The following TMED3 variants were observed in gnomAD, a reference collection of about 807,000 sequenced individuals.
TMED3 encodes transmembrane p24 trafficking protein 3, also known as transmembrane emp24 domain-containing protein 3.
A neutral mutation model predicts 15.0 loss-of-function variants in TMED3; 9 were observed. That is an observed-to-expected ratio of 0.60 (90% CI 0.36 to 1.04). TMED3 has a LOEUF of 1.04. Ranked by LOEUF, TMED3 falls within the 50% of genes least tolerant of loss-of-function variation. The probability of loss-of-function intolerance (pLI) is 0.01; values close to 1 mark genes in which losing one functional copy is unlikely to be tolerated. For missense variants in TMED3, 267 were observed against 278.9 expected, an observed-to-expected ratio of 0.96 and a Z score of 0.30; for synonymous variants, 117 against 121.4, an observed-to-expected ratio of 0.96 and a Z score of 0.24.
chr15:79,324,592 A>C (rs1204897866), downstream of TMED3, among the ~76,000 whole-genome samples: 1 of 152,252 alleles, frequency 6.6e-6, no homozygotes, highest in Non-Finnish European at 1.5e-5. Context: ...TATTTAATAT[A>C]TGGTAGAAAT....
At chr15:79,347,499 C>G (rs2141231912) in intron 2 of TMED3, among the ~76,000 whole-genome samples, 1 of 152,278 alleles carries the variant, frequency 6.6e-6, no homozygotes, top group African/African-American at 2.4e-5. Context: ...TGTCACCACT[C>G]CTATTCAACA....
At chr15:79,351,636 C>A (rs757094816) in intron 2 of TMED3, among the ~76,000 whole-genome samples, 1 of 152,120 alleles carries the variant, frequency 6.6e-6, no homozygotes, top group Non-Finnish European at 1.5e-5. Context: ...GAAACGTAAA[C>A]TAGTGCAACC....
chr15:79,367,203 A>G (rs1256031041), intron 2 of TMED3, among the ~76,000 whole-genome samples: 1 of 152,214 alleles, frequency 6.6e-6, no homozygotes. Flanking sequence ...AATATGATGC[A>G]GAACTAAAAC....
rs528246765 is a variant in TMED3 at position 79,370,949 on chromosome 15, G to A, written c.418-40451G>A. Among the ~76,000 whole-genome samples, 162 of 152,340 alleles carry A rather than the reference G, an allele frequency of 1.1e-3. 1 individual carries two copies. The highest frequency in any genetic ancestry group is 1.7e-3 in the Admixed American group (26 of 15,302). ...CTGCACTGAGCTTATCTCAGTCACA[G>A]TTTGTGTGAAAGGCATCTGTAAAGT... On this transcript the variant is annotated intron_variant, in intron 2 of 2. Coordinates refer to the TMED3 transcript ENST00000424155.
At chr15:79,411,272 G>A (rs891532476) in intron 2 of TMED3, 1 of 576,468 alleles carries the variant, frequency 1.7e-6, no homozygotes, top group African/African-American at 1.9e-5. Flanking sequence ...AGCAATAAAG[G>A]TAAATTCTTC....
At chr15:79,346,862 T>C (rs1471459515) in intron 2 of TMED3, among the ~76,000 whole-genome samples, 2 of 152,076 alleles carry the variant, frequency 1.3e-5, no homozygotes, top group African/African-American at 4.8e-5. Flanking sequence ...TCATCAATAA[T>C]GAGCTCTGAA....
chr15:79,314,939 A>G (rs1045848999), intron 2 of TMED3, among the ~76,000 whole-genome samples: 5 of 152,192 alleles, frequency 3.3e-5, no homozygotes, highest in Non-Finnish European at 2.9e-5. Flanking sequence ...TTCAGTGCAT[A>G]AGGTAGGGCA....
intron 2 of TMED3, among the ~76,000 whole-genome samples, chr15:79,343,722 G>C (rs964646025): frequency 6.6e-6 from 1 of 152,160 alleles, no homozygotes; most frequent in Non-Finnish European, 1.5e-5. Flanking sequence ...GGTGAAGGAT[G>C]TGGGACAGGC....
At chr15:79,311,456 A>G (rs1262093531) in intron 1 of TMED3, 39 bp downstream of exon 1, 1 of 1,575,516 alleles carries the variant, frequency 6.3e-7, no homozygotes, top group Admixed American at 1.7e-5. Flanking sequence ...TTCTCCCTCC[A>G]CTCCCAGGTC....
chr15:79,335,413 A>G (rs1276617391), intron 2 of TMED3, among the ~76,000 whole-genome samples: 3 of 152,216 alleles, frequency 2.0e-5, no homozygotes, highest in African/African-American at 7.2e-5. Context: ...ATTTACTGGG[A>G]TAAGACCCTG....
At chr15:79,321,111 A>G (rs181321280) in intron 2 of TMED3, among the ~76,000 whole-genome samples, 3 of 152,340 alleles carry the variant, frequency 2.0e-5, no homozygotes, top group Admixed American at 2.0e-4. Flanking sequence ...TTCTTCTGCA[A>G]CTAGCTGGAG....
chr15:79,401,950 G>A (rs1311795698), intron 2 of TMED3, among the ~76,000 whole-genome samples: 1 of 152,128 alleles, frequency 6.6e-6, no homozygotes. Context: ...GCCTCTCTTG[G>A]TTGGCAAAGG....
Position 79,344,832 on chromosome 15 carries a change from C to G in TMED3, c.417+30827C>G, listed in dbSNP as rs563031084. On this transcript the variant is annotated intron_variant, in intron 2 of 2. Transcript: ENST00000424155. ...AGGCAAAGACTTCACTGTAGTGAGC[C>G]CAGTGAGATGAGGCAGTGTGAAAGG... Among the ~76,000 whole-genome samples the G allele has an allele frequency of 3.3e-5, 5 of 152,174 alleles. No individual in the cohort carries two copies. The East Asian group carries it at 9.7e-4, about 29-fold the overall frequency.
chr15:79,392,923 C>G (rs937703804), intron 2 of TMED3, among the ~76,000 whole-genome samples: 1 of 152,284 alleles, frequency 6.6e-6, no homozygotes, highest in Admixed American at 6.5e-5. Flanking sequence ...GGTTGCAGAC[C>G]TTTGGCATCC....
intron 2 of TMED3, among the ~76,000 whole-genome samples, chr15:79,315,488 G>C (rs2058736744): frequency 6.6e-6 from 1 of 152,190 alleles, no homozygotes; most frequent in African/African-American, 2.4e-5. Context: ...CCACTGTTGA[G>C]ACAGCCTCTA....
In TMED3 at chr15:79,379,585, G is replaced by A. The variant is rs1039270250; in HGVS notation, c.418-31815G>A. Among the ~76,000 whole-genome samples the A allele has an allele frequency of 1.8e-4, 27 of 152,066 alleles. 1 individual carries two copies. Among genetic ancestry groups the A allele is most frequent in the African/African-American group, 6.0e-4 (25 of 41,404 alleles). On this transcript the variant is annotated intron_variant, in intron 2 of 2. Transcript: ENST00000424155. Reference sequence around the variant, plus strand: ...TAATATTACTGCGATGTAAAGTGTGGCTAAAATTTGTTCTTTAAGAAGCTA... The same window carrying A: ...TAATATTACTGCGATGTAAAGTGTGACTAAAATTTGTTCTTTAAGAAGCTA...
At chr15:79,365,434 C>T (rs892686367) in intron 2 of TMED3, among the ~76,000 whole-genome samples, 14 of 152,158 alleles carry the variant, frequency 9.2e-5, no homozygotes, top group Admixed American at 8.5e-4. Flanking sequence ...TCAATTAATT[C>T]AAAAGTTTAT....
chr15:79,337,304 C>A (rs891894792), intron 2 of TMED3, among the ~76,000 whole-genome samples: 1 of 152,160 alleles, frequency 6.6e-6, no homozygotes, highest in Non-Finnish European at 1.5e-5. Flanking sequence ...CTAATTTCCC[C>A]TTTATATAAG....
chr15:79,398,558 G>A (rs1187289475), intron 2 of TMED3, among the ~76,000 whole-genome samples: 1 of 141,796 alleles, frequency 7.1e-6, no homozygotes, highest in Non-Finnish European at 1.5e-5. Flanking sequence ...ACGGGAAGCT[G>A]TGAGAATAGA....
Sources: gnomAD v4.1 joint callset for allele counts (sites outside exome capture counted in the v4.1 genomes callset) on GRCh38, gnomAD v4.1.1 for gene constraint, MANE v1.5 for transcripts, NCBI Gene and HGNC (gene_info 2026-07-23, HGNC 2026-07-21) for gene names.